SCIN: variants seen among roughly 807,000 people sequenced by gnomAD.
SCIN encodes the protein scinderin.
In SCIN, 91 loss-of-function variants were observed where a neutral mutation model predicts 91.8. The observed-to-expected ratio is 0.99, with a 90% CI of 0.84 to 1.18. The LOEUF is 1.18. Among genes scored for constraint, SCIN ranks in the 50% most tolerant of loss-of-function variants. SCIN has a pLI of 0.00. For synonymous variants in SCIN, 367 were observed against 312.6 expected, an observed-to-expected ratio of 1.17 and a Z score of -1.84; for missense variants, 1,087 against 863.9, an observed-to-expected ratio of 1.26 and a Z score of -3.24.
At chr7:12,639,531 T>G (rs1369974944) in intron 10 of SCIN, among the ~76,000 whole-genome samples, 1 of 152,212 alleles carries the variant, frequency 6.6e-6, no homozygotes, top group Non-Finnish European at 1.5e-5. Context: ...AATGGGAGAC[T>G]GACATGAAAT....
intron 14 of SCIN, 79 bp downstream of exon 14, chr7:12,649,623 G>A (rs893060629): frequency 3.3e-6 from 3 of 903,602 alleles, no homozygotes; most frequent in African/African-American, 1.7e-5. Flanking sequence ...GAAATGGTAA[G>A]TCTAGATATA....
chr7:12,659,688 AAG>A lies in SCIN; in HGVS notation c.*6976_*6977del, dbSNP rs1217142134. On this transcript the variant is annotated 3_prime_UTR_variant, in exon 16 of 16. Transcript: ENST00000297029. ...GTCTGAGCCATATTTAGTGTCTTGA[AAG>A]AGCCACAGTGGCTGGCTAAAATGGC... 5 of 152,996 alleles carry A rather than the reference AAG, an allele frequency of 3.3e-5. No individual in the cohort carries two copies. Among genetic ancestry groups the A allele is most frequent in the Non-Finnish European group, 7.3e-5 (5 of 68,548 alleles). 9.5% of individuals were successfully genotyped at this position (152,996 alleles called of 1,614,324 possible).
rs1252682028 is a variant in SCIN at position 12,659,581 on chromosome 7, A to G, written c.*6866A>G. ...AGTATATCCATGGTCATCCAGGGGAAGAAAATGGCGTACATAACTTATATA... is the reference window on the plus strand; with the variant it reads ...AGTATATCCATGGTCATCCAGGGGAGGAAAATGGCGTACATAACTTATATA... On this transcript the variant is annotated 3_prime_UTR_variant, in exon 16 of 16. Coordinates refer to ENST00000297029, the MANE Select transcript of SCIN (RefSeq NM_001112706.3). 1 of 152,318 alleles carries G rather than the reference A, an allele frequency of 6.6e-6. No homozygotes were observed. Among genetic ancestry groups the G allele is most frequent in the Non-Finnish European group, 1.5e-5 (1 of 68,116 alleles). 9.4% of individuals were successfully genotyped at this position (152,318 alleles called of 1,614,324 possible).
chr7:12,575,560 G>C (rs1782353342), intron 1 of SCIN, among the ~76,000 whole-genome samples: 1 of 151,926 alleles, frequency 6.6e-6, no homozygotes, highest in African/African-American at 2.4e-5. Flanking sequence ...TATCATGAAT[G>C]GCTGTTGGAT....
intron 15 of SCIN, among the ~76,000 whole-genome samples, 199 bp from the exon 16 acceptor site, chr7:12,652,389 T>G (rs1322704842): frequency 6.6e-6 from 1 of 152,244 alleles, no homozygotes; most frequent in African/African-American, 2.4e-5. Flanking sequence ...GAAATTGTAT[T>G]TGTCTACCTG....
At position 12,619,175 on chromosome 7, in the gene SCIN, T is replaced by C. The variant is rs188584101; in HGVS notation, c.667-3626T>C. The stretch of plus-strand genomic sequence containing the variant: ...TGGCACATTTTCATCCACAGTGATA[T>C]GTAGCTTTGAGTTACATATTGTGCT... On this transcript the variant is annotated intron_variant, in intron 4 of 15. Transcript: ENST00000297029. Among the ~76,000 whole-genome samples, 30 of 152,236 alleles carry C rather than the reference T, an allele frequency of 2.0e-4. No individual in the cohort carries two copies. In the East Asian group the frequency reaches 5.8e-3, roughly 29 times the overall value.
intron 9 of SCIN, among the ~76,000 whole-genome samples, chr7:12,631,931 G>A (rs1258264883): frequency 6.6e-6 from 1 of 152,032 alleles, no homozygotes; most frequent in Non-Finnish European, 1.5e-5. Flanking sequence ...TATGGCTGAA[G>A]AACATTTAGG....
intron 2 of SCIN, 134 bp downstream of exon 2, chr7:12,578,352 T>A: frequency 1.4e-6 from 1 of 723,796 alleles, no homozygotes; most frequent in Non-Finnish European, 2.1e-6. Flanking sequence ...ATCTGTTTTG[T>A]TCATGGATAT....
intron 4 of SCIN, among the ~76,000 whole-genome samples, chr7:12,607,702 T>G (rs972984991): frequency 9.2e-5 from 14 of 152,212 alleles, no homozygotes; most frequent in African/African-American, 3.1e-4. Flanking sequence ...GAGATGAATT[T>G]TCAGTGAAAA....
chr7:12,629,275 C>T, intron 9 of SCIN, 53 bp downstream of exon 9: 5 of 1,552,826 alleles, frequency 3.2e-6, no homozygotes, highest in Non-Finnish European at 4.4e-6. Context: ...GATTTTGCTC[C>T]AAAGTATTAA....
At chr7:12,616,504 T>C (rs760119084) in intron 4 of SCIN, among the ~76,000 whole-genome samples, 5 of 152,164 alleles carry the variant, frequency 3.3e-5, no homozygotes, top group Non-Finnish European at 4.4e-5. Flanking sequence ...GAAATAAATT[T>C]ATTTTCTTTA....
chr7:12,591,419 C>A (rs1782720025), intron 3 of SCIN, among the ~76,000 whole-genome samples: 3 of 152,072 alleles, frequency 2.0e-5, no homozygotes, highest in African/African-American at 7.3e-5. Context: ...GCAGGCTGGC[C>A]ACCCTTTGAC....
Position 12,604,950 on chromosome 7 carries a change from A to G in SCIN, c.666+287A>G, listed in dbSNP as rs1783044562. On this transcript the variant is annotated intron_variant, in intron 4 of 15. Transcript: ENST00000297029. ...ATATGAGGTGAAACAAATGAGTGAC[A>G]CTTCTGAAATTGACCGTAAGAATGT... is the stretch of plus-strand genomic sequence containing the variant. Among the ~76,000 whole-genome samples, 3 of 152,310 alleles carry G rather than the reference A, an allele frequency of 2.0e-5. No individual in the cohort carries two copies. The South Asian group carries it at 6.2e-4, about 32-fold the overall frequency.
At position 12,578,111 on chromosome 7, in the gene SCIN, G is replaced by T; in HGVS notation, c.247G>T (p.Val83Phe). 1 of 1,550,444 alleles carries T rather than the reference G, an allele frequency of 6.4e-7. No individual in the cohort carries two copies. Among genetic ancestry groups the T allele is most frequent in the Non-Finnish European group, 8.7e-7 (1 of 1,146,310 alleles). ...DESTAAAIFT[V>F]QMDDYLGGKP... is the part of the protein sequence containing the mutation. ...AAGCACAGCTGCTGCCATCTTCACT[G>T]TTCAGATGGATGACTATTTGGGTGG... The change falls in exon 2 of 16, where the codon GTT (valine) becomes TTT (phenylalanine). Residue 83 changes from valine (V) to phenylalanine (F), a missense_variant. Transcript: ENST00000297029.
At chr7:12,625,659 A>T in intron 6 of SCIN, 103 bp from the exon 7 acceptor site, 2 of 890,836 alleles carry the variant, frequency 2.2e-6, no homozygotes, top group South Asian at 3.5e-5. Context: ...GCTGTATTTA[A>T]CTTCAATTAT....
At chr7:12,623,088 GA>G (rs1351712768) in intron 5 of SCIN, among the ~76,000 whole-genome samples, 195 bp downstream of exon 5, 1 of 151,866 alleles carries the variant, frequency 6.6e-6, no homozygotes, top group Non-Finnish European at 1.5e-5. Flanking sequence ...TTATTTTTAT[GA>G]AAAACAACAA....
chr7:12,640,471 T>C lies in SCIN; in HGVS notation c.1535T>C (p.Leu512Pro). 1.2e-6 allele frequency: 2 copies of C among 1,612,642 alleles called. No individual in the cohort carries two copies. The highest frequency in any genetic ancestry group is 1.3e-5 in the African/African-American group (1 of 74,962). The change falls in exon 11 of 16, where the codon CTC becomes CCC. Residue 512 changes from leucine (L) to proline (P), a missense_variant. Leu to Pro is a moderately conservative substitution (Grantham distance 98). Transcript: ENST00000297029. The part of the protein sequence containing the change: ...GGQAPAPPTR[L>P]FQVRRNLASI... ...CAGGCACCTGCTCCCCCTACACGCC[T>C]CTTTCAAGTCCGGAGAAACCTGGCA...
At chr7:12,635,251 CATT>C in intron 9 of SCIN, among the ~76,000 whole-genome samples, 1 of 151,856 alleles carries the variant, frequency 6.6e-6, no homozygotes, top group East Asian at 1.9e-4. Flanking sequence ...GTCTACTTCT[CATT>C]ATTATTTTCT....
At chr7:12,581,625 C>A (rs1160528093) in intron 3 of SCIN, among the ~76,000 whole-genome samples, 2 of 152,142 alleles carry the variant, frequency 1.3e-5, no homozygotes, top group Non-Finnish European at 2.9e-5. Context: ...AAACAGCCAC[C>A]TAAAGAATTT....
Sources: gnomAD v4.1 joint callset for allele counts (sites outside exome capture counted in the v4.1 genomes callset) on GRCh38, gnomAD v4.1.1 for gene constraint, MANE v1.5 for transcripts, NCBI Gene and HGNC (gene_info 2026-07-23, HGNC 2026-07-21) for gene names.